Variants in RDH10 observed in about 807,000 individuals in gnomAD.
The protein encoded by RDH10 is retinol dehydrogenase 10 (all-trans).
In RDH10, 12 loss-of-function variants were observed where a neutral mutation model predicts 30.2. The observed-to-expected ratio is 0.40, with a 90% CI of 0.25 to 0.64. The LOEUF (loss-of-function observed/expected upper bound fraction) is 0.64, where lower values mean the gene tolerates loss of function less well. Among genes scored for constraint, RDH10 ranks in the 30% least tolerant of loss-of-function variants. The pLI is 0.43. For synonymous variants in RDH10, 189 were observed against 172.2 expected, an observed-to-expected ratio of 1.10 and a Z score of -0.76; for missense variants, 268 against 445.2, an observed-to-expected ratio of 0.60 and a Z score of 3.58.
chr8:73,300,073 C>A (rs1159131253), intron 2 of RDH10, among the ~76,000 whole-genome samples: 1 of 152,102 alleles, frequency 6.6e-6, no homozygotes, highest in African/African-American at 2.4e-5. Context: ...TTCTTGGAAG[C>A]CTTGATGGTA....
In RDH10 at chr8:73,294,657, C is replaced by A. The variant is rs1042407016; in HGVS notation, c.-633C>A. On this transcript the variant is annotated 5_prime_UTR_variant, in exon 1 of 6. Coordinates refer to ENST00000240285, the MANE Select transcript of RDH10 (RefSeq NM_172037.5). The stretch of plus-strand genomic sequence containing the variant: ...GCGGGCTGCGCTGCGGAGCCCAGTG[C>A]CCGAGTGACACCCGCGGAGAGTGCA... The A allele has an allele frequency of 8.6e-6, 3 of 349,832 alleles. No homozygotes were observed. Among genetic ancestry groups the A allele is most frequent in the Non-Finnish European group, 1.0e-5 (2 of 195,276 alleles). 21.7% of individuals were successfully genotyped at this position (349,832 alleles called of 1,614,324 possible).
intron 4 of RDH10, chr8:73,321,846 A>G: frequency 2.2e-6 from 1 of 456,258 alleles, no homozygotes; most frequent in Non-Finnish European, 4.4e-6. Context: ...CAAGCAGCAA[A>G]ATAGGTGGAA....
In RDH10 at chr8:73,295,195, C is replaced by G. The variant is rs561630500; in HGVS notation, c.-95C>G. The G allele has an allele frequency of 7.2e-6, 9 of 1,255,946 alleles. No individual in the cohort carries two copies. In the East Asian group the frequency reaches 2.7e-4, roughly 38 times the overall value. The allele number at this position is 1,255,946 out of a possible 1,614,324, so 77.8% of individuals were successfully genotyped here. ...GGGCGCAGCCTTCTCGTCCCGGCCT[C>G]TGTGACAAGCGCCCCGGAGCCGGGA... On this transcript the variant is annotated 5_prime_UTR_variant, in exon 1 of 6. Coordinates refer to ENST00000240285, the MANE Select transcript of RDH10 (RefSeq NM_172037.5).
In RDH10 at chr8:73,297,387, C is replaced by T; in HGVS notation, c.483C>T (p.Leu161=). 6.2e-7 allele frequency: 1 copy of T among 1,613,762 alleles called. No individual in the cohort carries two copies. The highest frequency in any genetic ancestry group is 8.5e-7 in the Non-Finnish European group (1 of 1,179,646). Residue 161 remains leucine (L), a synonymous_variant, in exon 2 of 6, where the codon CTC becomes CTT. Coordinates refer to ENST00000240285, the MANE Select transcript of RDH10 (RefSeq NM_172037.5). The part of the protein sequence containing the change: ...GHHLLECPDE[L]IERTMMVNCH... Reference sequence around the variant, plus strand: ...ACCTTCTGGAATGTCCTGATGAGCTCATTGAGAGAACCATGATGGTCAATT... The same window carrying T: ...ACCTTCTGGAATGTCCTGATGAGCTTATTGAGAGAACCATGATGGTCAATT...
intron 2 of RDH10, among the ~76,000 whole-genome samples, chr8:73,317,639 G>A (rs1179198840): frequency 6.6e-6 from 1 of 152,126 alleles, no homozygotes; most frequent in Non-Finnish European, 1.5e-5. Flanking sequence ...AATTAGATAA[G>A]GCCAAGGGCA....
rs770040813 is a variant in RDH10, at chr8:73,320,914, C to T, written c.625-18C>T. On this transcript the variant is annotated intron_variant, in intron 3 of 5. Transcript: ENST00000240285. ...GGCATATGCTTAGTATTTCTGCTTT[C>T]TCCCCTCTTTAACTCAGGATTACTG... 15 of 1,613,726 alleles carry T rather than the reference C, an allele frequency of 9.3e-6. No individual in the cohort carries two copies. Among genetic ancestry groups the T allele is most frequent in the Non-Finnish European group, 1.3e-5 (15 of 1,179,746 alleles).
chr8:73,295,789 C>A, intron 1 of RDH10: 1 of 1,028,498 alleles, frequency 9.7e-7, no homozygotes, highest in Non-Finnish European at 1.3e-6. Context: ...CCTGTCCTCG[C>A]GGAGGTTCGG....
At chr8:73,319,580 T>TA (rs1332397829) in intron 3 of RDH10, among the ~76,000 whole-genome samples, 2 of 152,196 alleles carry the variant, frequency 1.3e-5, no homozygotes, top group African/African-American at 4.8e-5. Flanking sequence ...TAAAATCTCT[T>TA]ACACTAGTTT....
chr8:73,295,497 A>C lies in RDH10; in HGVS notation c.208A>C (p.Thr70Pro). The change falls in exon 1 of 6, where the codon ACG becomes CCG. Residue 70 changes from threonine to proline, a missense_variant. By Grantham distance (38) the Thr-to-Pro change is conservative. Around this residue, in one of 4 missense-constraint regions of RDH10, gnomAD observed 42 missense variants for 77.6 expected, o/e 0.54. Coordinates refer to ENST00000240285, the MANE Select transcript of RDH10 (RefSeq NM_172037.5). ...RALLVLWDIN[T>P]QSNEETAGMV... ...GCTGCTGGTGCTGTGGGACATCAAC[A>C]CGCAAAGCAACGAGGAGACGGCTGG... The C allele has an allele frequency of 1.3e-6, 2 of 1,555,888 alleles. No individual in the cohort carries two copies. The highest frequency in any genetic ancestry group is 1.7e-6 in the Non-Finnish European group (2 of 1,151,104).
chr8:73,295,542 C>A lies in RDH10; in HGVS notation c.253C>A (p.Arg85Ser), dbSNP rs1394484494. Reference sequence around the variant, plus strand: ...GGCTGGCATGGTGCGCCACATCTACCGCGACCTGGAGGCGGCCGACGCCGC... The same window carrying A: ...GGCTGGCATGGTGCGCCACATCTACAGCGACCTGGAGGCGGCCGACGCCGC... ...ETAGMVRHIY[R>S]DLEAADAAAL... The change falls in exon 1 of 6, where the codon CGC becomes AGC. Residue 85 changes from arginine to serine, a missense_variant. By Grantham distance (110) the Arg-to-Ser change is moderately radical (BLOSUM62 -1). Around this residue, in one of 4 missense-constraint regions of RDH10, gnomAD observed 46 missense variants for 36.7 expected, o/e 1.25. Coordinates refer to ENST00000240285, the MANE Select transcript of RDH10 (RefSeq NM_172037.5). 6.5e-7 allele frequency: 1 copy of A among 1,548,426 alleles called. No individual in the cohort carries two copies.
Position 73,295,185 on chromosome 8 carries a change from G to A in RDH10, c.-105G>A. 2.6e-6 allele frequency: 3 copies of A among 1,165,102 alleles called. No homozygotes were observed. Among genetic ancestry groups the A allele is most frequent in the Non-Finnish European group, 3.4e-6 (3 of 871,422 alleles). 72.2% of individuals were successfully genotyped at this position (1,165,102 alleles called of 1,614,324 possible). A position where few individuals can be genotyped will look rare whatever the true frequency, so the allele number is the denominator to read the frequency against. On this transcript the variant is annotated 5_prime_UTR_variant, in exon 1 of 6. Transcript: ENST00000240285. ...GGCGGGCGCGGGGCGCAGCCTTCTC[G>A]TCCCGGCCTCTGTGACAAGCGCCCC...
intron 2 of RDH10, chr8:73,312,907 T>C (rs1814594235): frequency 6.6e-6 from 1 of 152,250 alleles, no homozygotes; most frequent in Non-Finnish European, 1.5e-5. Context: ...ATGCCTTTTC[T>C]TGATCACAGG....
intron 2 of RDH10, among the ~76,000 whole-genome samples, chr8:73,310,696 G>A (rs979866476): frequency 6.6e-6 from 1 of 152,180 alleles, no homozygotes; most frequent in Admixed American, 6.5e-5. Context: ...AATTTTGTGG[G>A]TTATTTTCAT....
In RDH10 at chr8:73,318,203, G is replaced by A. The variant is rs571059102; in HGVS notation, c.526-893G>A. The stretch of plus-strand genomic sequence containing the variant: ...CTGGTGGAGTAGTTAATAGATCATC[G>A]TAAGCAATTTGAAGTAATTTTTTTT... On this transcript the variant is annotated intron_variant, in intron 2 of 5. Coordinates refer to ENST00000240285, the MANE Select transcript of RDH10 (RefSeq NM_172037.5). Among the ~76,000 whole-genome samples the A allele has an allele frequency of 2.8e-4, 42 of 152,124 alleles. No individual in the cohort carries two copies. The South Asian group carries it at 4.8e-3, about 17-fold the overall frequency.
At chr8:73,297,867 G>T (rs1814299363) in intron 2 of RDH10, 1 of 212,688 alleles carries the variant, frequency 4.7e-6, no homozygotes. Context: ...TGGTCTGTTG[G>T]GAGTGCCCAG....
chr8:73,295,665 T>TG, intron 1 of RDH10, 87 bp downstream of exon 1: 1 of 1,285,120 alleles, frequency 7.8e-7, no homozygotes, highest in Non-Finnish European at 1.0e-6. Flanking sequence ...CCCCGCTGCC[T>TG]GGTCAGCCCC....
At chr8:73,310,468 G>A (rs1228124762) in intron 2 of RDH10, among the ~76,000 whole-genome samples, 1 of 152,206 alleles carries the variant, frequency 6.6e-6, no homozygotes, top group Non-Finnish European at 1.5e-5. Context: ...GTTGGAACAG[G>A]GGCTAAGAAG....
chr8:73,320,259 C>T (rs1814742019), intron 3 of RDH10, among the ~76,000 whole-genome samples: 1 of 152,166 alleles, frequency 6.6e-6, no homozygotes, highest in African/African-American at 2.4e-5. Context: ...ATTTTCCAGA[C>T]ACTTCAAAGT....
Position 73,294,871 on chromosome 8 carries a change from T to C in RDH10, c.-419T>C. The C allele has an allele frequency of 2.6e-6, 1 of 385,660 alleles. No homozygotes were observed. The highest frequency in any genetic ancestry group is 1.3e-4 in the South Asian group (1 of 7,714). 23.9% of individuals were successfully genotyped at this position (385,660 alleles called of 1,614,324 possible). A position where few individuals can be genotyped will look rare whatever the true frequency, so the allele number is the denominator to read the frequency against. On this transcript the variant is annotated 5_prime_UTR_variant, in exon 1 of 6. Coordinates refer to ENST00000240285, the MANE Select transcript of RDH10 (RefSeq NM_172037.5). ...CCGTGCCGCCTCCGCTGCGCACCCC[T>C]CCCCCGGGGTGAGAGGGAGCCGGCG...
Sources: allele counts gnomAD v4.1 joint callset (sites outside exome capture counted in the v4.1 genomes callset), GRCh38; gene constraint gnomAD v4.1.1; regional missense constraint gnomAD v4.1.1; transcripts MANE v1.5; gene names NCBI Gene and HGNC (gene_info 2026-07-23, HGNC 2026-07-21).